Variants in APBB2 observed in about 807,000 individuals in gnomAD.
APBB2 encodes amyloid beta precursor protein binding family B member 2, also known as Fe65-like 1.
Under a neutral mutation model 82.5 loss-of-function variants are expected in APBB2, and 38 were observed. That is an observed-to-expected ratio of 0.46 (90% CI 0.36 to 0.60). The LOEUF is 0.60. Ranked by LOEUF, APBB2 falls within the 20% of genes least tolerant of loss-of-function variation. The pLI, the probability that APBB2 is intolerant of heterozygous loss-of-function variation, is 0.00. For missense variants in APBB2, 772 were observed against 972.3 expected (o/e 0.79, Z 2.74); for synonymous variants, 341 against 368.2 (o/e 0.93, Z 0.85).
At chr4:41,180,822 T>A (rs879024986) in intron 1 of APBB2, among the ~76,000 whole-genome samples, 1 of 152,178 alleles carries the variant, frequency 6.6e-6, no homozygotes, top group Admixed American at 6.5e-5. Context: ...GAGGCCTCAT[T>A]AAGAAAAGCT....
intron 4 of APBB2, among the ~76,000 whole-genome samples, chr4:41,048,963 T>G (rs997491382): frequency 6.6e-6 from 1 of 152,124 alleles, no homozygotes; most frequent in Admixed American, 6.5e-5. Flanking sequence ...GTTCACTCAG[T>G]GCTCAATGTT....
rs1171858660 is a variant in APBB2 at position 40,814,942 on chromosome 4, A to T, written c.*1150T>A. The T allele has an allele frequency of 2.6e-5, 4 of 152,238 alleles. 1 individual carries two copies. The highest frequency in any genetic ancestry group is 2.6e-4 in the Admixed American group (4 of 15,286). 9.4% of individuals were successfully genotyped at this position (152,238 alleles called of 1,614,324 possible). A position where few individuals can be genotyped will look rare whatever the true frequency, so the allele number is the denominator to read the frequency against. The stretch of plus-strand genomic sequence containing the variant: ...GTTGAGTCCAACAAATTCTAATATT[A>T]AATACATAAAATCAAGGAAAGGTTC... On this transcript the variant is annotated 3_prime_UTR_variant, in exon 18 of 18. Coordinates refer to ENST00000508593, the MANE Select transcript of APBB2 (RefSeq NM_004307.2).
intron 10 of APBB2, among the ~76,000 whole-genome samples, chr4:40,920,597 C>T (rs906869674): frequency 8.5e-5 from 13 of 152,166 alleles, no homozygotes; most frequent in Admixed American, 3.9e-4. Flanking sequence ...CCGGGCTGGA[C>T]GCAGTGGCTC....
chr4:41,150,629 G>C (rs984605241), intron 1 of APBB2, among the ~76,000 whole-genome samples: 4 of 152,156 alleles, frequency 2.6e-5, no homozygotes, highest in Admixed American at 6.5e-5. Flanking sequence ...CGAAGGCTTT[G>C]CAATTTTCAT....
intron 1 of APBB2, among the ~76,000 whole-genome samples, chr4:41,151,439 T>C (rs1199486199): frequency 1.3e-5 from 2 of 152,258 alleles, no homozygotes; most frequent in East Asian, 3.8e-4. Flanking sequence ...TTTTAATTAA[T>C]GAGATTTATC....
intron 1 of APBB2, 120 bp downstream of exon 1, chr4:41,214,285 A>T (rs1000154288): frequency 6.6e-6 from 1 of 152,124 alleles, no homozygotes; most frequent in Non-Finnish European, 1.5e-5. Flanking sequence ...GCAGAGGAGA[A>T]GCCGCCGGGG....
chr4:40,846,512 A>T (rs1427540568), intron 12 of APBB2, among the ~76,000 whole-genome samples: 5 of 152,038 alleles, frequency 3.3e-5, no homozygotes, highest in Non-Finnish European at 7.4e-5. Context: ...TTACCATCTG[A>T]TTTCTGGCTG....
chr4:40,888,458 C>T (rs1175636034), intron 12 of APBB2, among the ~76,000 whole-genome samples: 2 of 152,250 alleles, frequency 1.3e-5, no homozygotes, highest in African/African-American at 4.8e-5. Context: ...CACACTTTGG[C>T]TCCTGCCTCG....
chr4:41,195,780 T>C, intron 1 of APBB2, among the ~76,000 whole-genome samples: 2 of 151,950 alleles, frequency 1.3e-5, no homozygotes, highest in Non-Finnish European at 2.9e-5. Context: ...CCTGCTGACA[T>C]CCTCCACTCC....
chr4:40,996,140 G>A (rs1803580541), intron 6 of APBB2, among the ~76,000 whole-genome samples: 1 of 152,172 alleles, frequency 6.6e-6, no homozygotes, highest in Admixed American at 6.5e-5. Flanking sequence ...TCACTTTACT[G>A]TAGAGAACTA....
chr4:40,976,285 C>A (rs1367153021), intron 6 of APBB2, among the ~76,000 whole-genome samples: 1 of 151,946 alleles, frequency 6.6e-6, no homozygotes, highest in South Asian at 2.1e-4. Context: ...AGCCAAAAAT[C>A]CCAGTTTCAT....
chr4:40,829,081 G>A (rs1189113141), intron 13 of APBB2, among the ~76,000 whole-genome samples: 2 of 152,212 alleles, frequency 1.3e-5, no homozygotes. Context: ...AATTAACCAA[G>A]TCTGGGGCAT....
chr4:40,883,775 C>T (rs1334583215), intron 12 of APBB2, among the ~76,000 whole-genome samples: 1 of 151,698 alleles, frequency 6.6e-6, no homozygotes, highest in Admixed American at 6.6e-5. Context: ...CTACAAAGAT[C>T]GCCTCGTTCC....
At chr4:40,982,397 A>AAGGAAGG (rs1560449287) in intron 6 of APBB2, among the ~76,000 whole-genome samples, 1 of 41,064 alleles carries the variant, frequency 2.4e-5, no homozygotes, top group Non-Finnish European at 5.2e-5. Flanking sequence ...GAAGGAAAGG[A>AAGGAAGG]AAGGAAAGAA....
chr4:40,960,019 T>C lies in APBB2; in HGVS notation c.836-14946A>G, dbSNP rs1288459779. 7.2e-5 allele frequency among the ~76,000 whole-genome samples: 11 copies of C among 152,318 alleles called. No homozygotes were observed. In the East Asian group the frequency reaches 1.2e-3, roughly 16 times the overall value. ...GTATTTTTATTTGGGAGCCATCCTATTCGTTAAGTGTATTTTAAAGGTTAA... is the reference window on the plus strand; with the variant it reads ...GTATTTTTATTTGGGAGCCATCCTACTCGTTAAGTGTATTTTAAAGGTTAA... On this transcript the variant is annotated intron_variant, in intron 6 of 17. Coordinates refer to ENST00000508593, the MANE Select transcript of APBB2 (RefSeq NM_004307.2).
chr4:41,024,777 G>C (rs190900605), intron 5 of APBB2, among the ~76,000 whole-genome samples: 156 of 152,328 alleles, frequency 1.0e-3, no homozygotes, highest in Non-Finnish European at 3.8e-4. Flanking sequence ...AGACATGCCT[G>C]AGCAGGCCTG....
chr4:41,184,667 C>A (rs2154066253), intron 1 of APBB2, among the ~76,000 whole-genome samples: 1 of 152,290 alleles, frequency 6.6e-6, no homozygotes, highest in South Asian at 2.1e-4. Context: ...ATTGCTAGAT[C>A]CCCCAATAAA....
chr4:40,828,048 G>A (rs905951542), intron 13 of APBB2, among the ~76,000 whole-genome samples: 2 of 152,076 alleles, frequency 1.3e-5, no homozygotes, highest in Non-Finnish European at 2.9e-5. Context: ...CATGTAAGAC[G>A]TGCCTTTCAC....
At chr4:40,956,699 T>C (rs2154386914) in intron 6 of APBB2, among the ~76,000 whole-genome samples, 1 of 152,268 alleles carries the variant, frequency 6.6e-6, no homozygotes, top group East Asian at 1.9e-4. Flanking sequence ...AAAAAATTAA[T>C]GTTAAGATTT....
Sources: gnomAD v4.1 joint callset for allele counts (sites outside exome capture counted in the v4.1 genomes callset) on GRCh38, gnomAD v4.1.1 for gene constraint, MANE v1.5 for transcripts, NCBI Gene and HGNC (gene_info 2026-07-23, HGNC 2026-07-21) for gene names.